The following SCYL2 variants were observed in gnomAD, a reference collection of about 807,000 sequenced individuals.
The protein encoded by SCYL2 is SCY1 like pseudokinase 2.
Under a neutral mutation model 100.4 loss-of-function variants are expected in SCYL2, and 36 were observed. The ratio of observed to expected loss-of-function variants is 0.36; its 90% confidence interval spans 0.27 to 0.47. The LOEUF (loss-of-function observed/expected upper bound fraction) is 0.47. Ranked by LOEUF, SCYL2 falls within the 20% of genes least tolerant of loss-of-function variation. The pLI is 1.00. For synonymous variants in SCYL2, 330 were observed against 359.2 expected (o/e 0.92, Z 0.92); for missense variants, 902 against 1,083.9 (o/e 0.83, Z 2.36).
chr12:100,277,645 T>A (rs907340996), intron 1 of SCYL2, among the ~76,000 whole-genome samples: 2 of 152,340 alleles, frequency 1.3e-5, no homozygotes, highest in East Asian at 3.9e-4. Flanking sequence ...CTTGCTTTTT[T>A]ATCCAATTTG....
In SCYL2 at chr12:100,267,713, C is replaced by T. The variant is rs543907250; in HGVS notation, c.-108C>T. ...GTCAGCTGCCGGAGGGAGAGCCCCC[C>T]ATGCCGGCTCGAGAGCTCGGGTTTC... is the stretch of plus-strand genomic sequence containing the variant. On this transcript the variant is annotated 5_prime_UTR_variant, in exon 1 of 18. Transcript: ENST00000360820. 6.6e-6 allele frequency: 1 copy of T among 152,564 alleles called. No individual in the cohort carries two copies. Among genetic ancestry groups the T allele is most frequent in the South Asian group, 2.1e-4 (1 of 4,852 alleles). 9.5% of individuals were successfully genotyped at this position (152,564 alleles called of 1,614,324 possible). A position where few individuals can be genotyped will look rare whatever the true frequency, so the allele number is the denominator to read the frequency against.
chr12:100,316,795 G>A, intron 9 of SCYL2, among the ~76,000 whole-genome samples: 1 of 152,144 alleles, frequency 6.6e-6, no homozygotes, highest in East Asian at 1.9e-4. Flanking sequence ...TTTTCTCTTA[G>A]TTGTCCAGTT....
At position 100,315,548 on chromosome 12, in the gene SCYL2, TGCC is replaced by T; in HGVS notation, c.1096-9_1096-7del. 1 of 1,562,092 alleles carries T rather than the reference TGCC, an allele frequency of 6.4e-7. No individual in the cohort carries two copies. The highest frequency in any genetic ancestry group is 2.0e-5 in the Admixed American group (1 of 49,600). On this transcript the variant is annotated splice_polypyrimidine_tract_variant and splice_region_variant and intron_variant, in intron 8 of 17. Transcript: ENST00000360820. ...TTATTTTTTTTTTAAAAAACATTTT[TGCC>T]TTTCAGCGTGTCATTGTGCAGAGAA...
At chr12:100,319,711 C>T (rs920156395) in intron 10 of SCYL2, among the ~76,000 whole-genome samples, 2 of 152,096 alleles carry the variant, frequency 1.3e-5, no homozygotes, top group South Asian at 4.1e-4. Flanking sequence ...TTAGTAGAGA[C>T]GGGGTTTCAC....
chr12:100,288,012 TA>T (rs2096306308), intron 2 of SCYL2, among the ~76,000 whole-genome samples: 1 of 152,182 alleles, frequency 6.6e-6, no homozygotes, highest in Admixed American at 6.5e-5. Flanking sequence ...GACTTTTGCA[TA>T]AATGATGTGT....
intron 2 of SCYL2, among the ~76,000 whole-genome samples, chr12:100,285,214 C>G (rs2096303202): frequency 6.6e-6 from 1 of 152,200 alleles, no homozygotes; most frequent in Admixed American, 6.5e-5. Flanking sequence ...TAACCCCCTT[C>G]TCTCCAGGGA....
At chr12:100,292,532 C>T (rs367645492) in intron 3 of SCYL2, among the ~76,000 whole-genome samples, 4 of 152,134 alleles carry the variant, frequency 2.6e-5, no homozygotes, top group South Asian at 2.1e-4. Context: ...GCAATTCTTA[C>T]GTTGGAATCC....
chr12:100,298,268 G>T, intron 4 of SCYL2, 93 bp downstream of exon 4: 4 of 937,080 alleles, frequency 4.3e-6, no homozygotes, highest in South Asian at 2.1e-5. Context: ...AACTATTTTA[G>T]GTAAACTTTT....
In SCYL2 at chr12:100,338,630, C is replaced by T. The variant is rs777139628; in HGVS notation, c.2248C>T (p.Pro750Ser). The change falls in exon 18 of 18, where the codon CCT becomes TCT. Residue 750 changes from proline (P) to serine (S), a missense_variant. Physicochemically the swap from Pro to Ser is moderately conservative, Grantham distance 74. Coordinates refer to ENST00000360820, the MANE Select transcript of SCYL2 (RefSeq NM_017988.6). ...SSASSTFTSV[P>S]SMGIGMMFST... Reference sequence around the variant, plus strand: ...TGCTTCAAGTACTTTCACTTCTGTTCCTTCCATGGGCATTGGTATGATGTT... The same window carrying T: ...TGCTTCAAGTACTTTCACTTCTGTTTCTTCCATGGGCATTGGTATGATGTT... 6.8e-6 allele frequency: 11 copies of T among 1,613,868 alleles called. No homozygotes were observed. The East Asian group carries it at 2.2e-4, about 33-fold the overall frequency.
At position 100,267,210 on chromosome 12, in the gene SCYL2, G is replaced by A. The variant is rs1283348507; in HGVS notation, c.-611G>A. 3.1e-6 allele frequency: 3 copies of A among 954,246 alleles called. No homozygotes were observed. The highest frequency in any genetic ancestry group is 4.6e-6 in the Non-Finnish European group (3 of 657,722). The allele number at this position is 954,246 out of a possible 1,614,324, so 59.1% of individuals were successfully genotyped here. On this transcript the variant is annotated 5_prime_UTR_variant, in exon 1 of 18. Coordinates refer to ENST00000360820, the MANE Select transcript of SCYL2 (RefSeq NM_017988.6). ...TCCCCCTCCCTTACTCTTCGTCCCC[G>A]GTCCCTCCCCTCCCCACCCCTTTCC...
Position 100,328,030 on chromosome 12 carries a change from C to T in SCYL2, c.1643-1171C>T, listed in dbSNP as rs1419106766. On this transcript the variant is annotated intron_variant, in intron 12 of 17. Transcript: ENST00000360820. ...CAGTGGCTGACACCTGTATTCCCAG[C>T]ACTTTGGGAGGCCAAGGTGGGTAGA... Among the ~76,000 whole-genome samples the T allele has an allele frequency of 2.6e-5, 4 of 152,248 alleles. No individual in the cohort carries two copies. The South Asian group carries it at 8.3e-4, about 32-fold the overall frequency.
intron 3 of SCYL2, among the ~76,000 whole-genome samples, chr12:100,294,448 T>C (rs1483855864): frequency 3.0e-5 from 2 of 65,800 alleles, no homozygotes; most frequent in Non-Finnish European, 2.9e-5. Context: ...CACTTCCCAG[T>C]AGGGGCGGCC....
At chr12:100,287,171 G>A (rs540784644) in intron 2 of SCYL2, among the ~76,000 whole-genome samples, 3 of 152,282 alleles carry the variant, frequency 2.0e-5, no homozygotes, top group East Asian at 3.9e-4. Flanking sequence ...TTAGAGAATC[G>A]AGACACATTA....
intron 16 of SCYL2, 131 bp downstream of exon 16, chr12:100,336,037 C>T: frequency 1.5e-6 from 1 of 685,848 alleles, no homozygotes; most frequent in South Asian, 2.0e-5. Flanking sequence ...TTCTGAAATT[C>T]CTTTATCAGT....
At chr12:100,296,877 C>CA (rs1183661869) in intron 3 of SCYL2, 1 of 152,112 alleles carries the variant, frequency 6.6e-6, no homozygotes, top group Non-Finnish European at 1.5e-5. Context: ...ACAATGTGAC[C>CA]ATTTCTCACC....
At chr12:100,318,413 C>T (rs905436729) in intron 10 of SCYL2, among the ~76,000 whole-genome samples, 1 of 151,360 alleles carries the variant, frequency 6.6e-6, no homozygotes, top group East Asian at 1.9e-4. Context: ...TCACTGCAAC[C>T]TCCGCCTCCT....
intron 2 of SCYL2, among the ~76,000 whole-genome samples, chr12:100,290,974 G>A (rs1365667909): frequency 6.6e-6 from 1 of 152,130 alleles, no homozygotes; most frequent in Non-Finnish European, 1.5e-5. Context: ...GCAAGTCCCT[G>A]TACTAGTAAC....
intron 2 of SCYL2, among the ~76,000 whole-genome samples, chr12:100,288,442 C>G (rs952360294): frequency 6.6e-6 from 1 of 152,136 alleles, no homozygotes; most frequent in African/African-American, 2.4e-5. Context: ...GCCACCATGT[C>G]CAGCCAGTGT....
chr12:100,299,446 C>T (rs1224516396), intron 4 of SCYL2, among the ~76,000 whole-genome samples: 2 of 152,238 alleles, frequency 1.3e-5, no homozygotes, highest in Middle Eastern at 3.4e-3. Context: ...ACCATCACCA[C>T]GATCAAGATA....
Sources: allele counts gnomAD v4.1 joint callset (sites outside exome capture counted in the v4.1 genomes callset), GRCh38; gene constraint gnomAD v4.1.1; transcripts MANE v1.5; gene names NCBI Gene and HGNC (gene_info 2026-07-23, HGNC 2026-07-21).